TMEM171: variants seen among roughly 807,000 people sequenced by gnomAD.
The protein encoded by TMEM171 is proline-rich protein PRP2.
In TMEM171, 16 loss-of-function variants were observed where a neutral mutation model predicts 19.1. The observed-to-expected ratio is 0.84, with a 90% CI of 0.57 to 1.27. The LOEUF (loss-of-function observed/expected upper bound fraction) is 1.27. Among genes scored for constraint, TMEM171 ranks in the 50% most tolerant of loss-of-function variants. The probability of loss-of-function intolerance (pLI) is 0.00; values close to 1 mark genes in which losing one functional copy is unlikely to be tolerated. For synonymous variants in TMEM171, 153 were observed against 163.4 expected (o/e 0.94, Z 0.48); for missense variants, 429 against 412.7 (o/e 1.04, Z -0.34).
Position 73,131,767 on chromosome 5 carries a change from C to A in TMEM171, c.*37C>A. On this transcript the variant is annotated 3_prime_UTR_variant, in exon 4 of 4. Coordinates refer to ENST00000454765, the MANE Select transcript of TMEM171 (RefSeq NM_173490.8). ...TAGTTCAGTTTTATATGCAATGGATCACTATTTTATTTAATTTTTTTTAAA... is the reference window on the plus strand; with the variant it reads ...TAGTTCAGTTTTATATGCAATGGATAACTATTTTATTTAATTTTTTTTAAA... 1 of 1,479,592 alleles carries A rather than the reference C, an allele frequency of 6.8e-7. No individual in the cohort carries two copies. The highest frequency in any genetic ancestry group is 9.0e-7 in the Non-Finnish European group (1 of 1,107,322). The allele number at this position is 1,479,592 out of a possible 1,614,324, so 91.7% of individuals were successfully genotyped here. A position where few individuals can be genotyped will look rare whatever the true frequency, so the allele number is the denominator to read the frequency against.
Position 73,123,764 on chromosome 5 carries a change from A to AT in TMEM171, c.394dup (p.Trp132LeufsTer53). The stretch of plus-strand genomic sequence containing the variant: ...CGGCATGCTCATCAGCGTCCTGGGC[A>AT]TTTGGGTCCCTGGATGTGGCTCCAA... On this transcript the variant is annotated frameshift_variant, in exon 2 of 4. Coordinates refer to ENST00000454765, the MANE Select transcript of TMEM171 (RefSeq NM_173490.8). LOFTEE classifies it high-confidence loss of function. 1 of 1,613,754 alleles carries AT rather than the reference A, an allele frequency of 6.2e-7. No homozygotes were observed. Among genetic ancestry groups the AT allele is most frequent in the African/African-American group, 1.3e-5 (1 of 75,038 alleles).
chr5:73,129,908 C>T (rs1361309702), intron 3 of TMEM171, among the ~76,000 whole-genome samples: 2 of 152,360 alleles, frequency 1.3e-5, no homozygotes, highest in Admixed American at 1.3e-4. Context: ...GGTCAATACC[C>T]ACCCCACACA....
intron 2 of TMEM171, among the ~76,000 whole-genome samples, chr5:73,127,957 C>G (rs1275877512): frequency 6.6e-6 from 1 of 151,912 alleles, no homozygotes; most frequent in East Asian, 1.9e-4. Flanking sequence ...GTTGCCCAGG[C>G]TGGTCTCCAA....
rs150651292 is a variant in TMEM171, at chr5:73,127,369, TAAA to T, written c.641-1007_641-1005del. Among the ~76,000 whole-genome samples, 77 of 97,200 alleles carry T rather than the reference TAAA, an allele frequency of 7.9e-4. 3 individuals are homozygous for T. The highest frequency in any genetic ancestry group is 3.0e-3 in the African/African-American group (58 of 19,242). 63.8% of individuals were successfully genotyped at this position (97,200 alleles called of 152,430 possible). ...AGGCCTACTTTTAAAAAATTTGTGGTAAAAAAAAAAAAAAAATATATATATATA... is the reference window on the plus strand; with the variant it reads ...AGGCCTACTTTTAAAAAATTTGTGGTAAAAAAAAAAAAATATATATATATA... On this transcript the variant is annotated intron_variant, in intron 2 of 3. Transcript: ENST00000454765.
At position 73,130,818 on chromosome 5, in the gene TMEM171, A is replaced by AT. The variant is rs143270088; in HGVS notation, c.783-712dup. Among the ~76,000 whole-genome samples the AT allele has an allele frequency of 7.1e-3, 1,084 of 151,868 alleles. 15 individuals are homozygous for AT. Among genetic ancestry groups the AT allele is most frequent in the African/African-American group, 0.025 (1,036 of 41,380 alleles). On this transcript the variant is annotated intron_variant, in intron 3 of 3. Coordinates refer to ENST00000454765, the MANE Select transcript of TMEM171 (RefSeq NM_173490.8). ...TAGAATTCTCATCGTGAATGTTTGT[A>AT]TTTTTTTTCTTCTAATGATAAACTT... is the stretch of plus-strand genomic sequence containing the variant.
rs756633960 is a variant in TMEM171 at position 73,131,752 on chromosome 5, T to G, written c.*22T>G. 1.9e-6 allele frequency: 3 copies of G among 1,546,604 alleles called. No individual in the cohort carries two copies. The highest frequency in any genetic ancestry group is 1.4e-5 in the African/African-American group (1 of 72,038). On this transcript the variant is annotated 3_prime_UTR_variant, in exon 4 of 4. Transcript: ENST00000454765. ...GTAAACTATGGACTCTAGTTCAGTTTTATATGCAATGGATCACTATTTTAT... is the reference window on the plus strand; with the variant it reads ...GTAAACTATGGACTCTAGTTCAGTTGTATATGCAATGGATCACTATTTTAT...
Position 73,123,508 on chromosome 5 carries a change from G to T in TMEM171, c.135G>T (p.Gln45His). The change falls in exon 2 of 4, where the codon CAG becomes CAT. Residue 45 changes from glutamine to histidine, a missense_variant. Transcript: ENST00000454765. ...TCCTGCTCTCCATCTTTGGGTTCCA[G>T]GCATGCCAATATAAGCCCCTCCCAG... is the stretch of plus-strand genomic sequence containing the variant. ...VGVLLSIFGF[Q>H]ACQYKPLPDC... is the part of the protein sequence containing the mutation. The T allele has an allele frequency of 6.2e-7, 1 of 1,614,210 alleles. No individual in the cohort carries two copies. Among genetic ancestry groups the T allele is most frequent in the Non-Finnish European group, 8.5e-7 (1 of 1,180,034 alleles).
At chr5:73,127,384 A>AAAAAAAAATATATATATATAT in intron 2 of TMEM171, among the ~76,000 whole-genome samples, 4 of 81,694 alleles carry the variant, frequency 4.9e-5, no homozygotes, top group African/African-American at 2.6e-4. Flanking sequence ...AAAAAAAAAA[A>AAAAAAAAATATATATATATAT]ATATATATAT....
intron 2 of TMEM171, among the ~76,000 whole-genome samples, chr5:73,127,562 G>T (rs1220508071): frequency 6.6e-6 from 1 of 150,396 alleles, no homozygotes; most frequent in African/African-American, 2.5e-5. Context: ...TCAGCCTCCC[G>T]AATAGCTGGG....
intron 3 of TMEM171, among the ~76,000 whole-genome samples, chr5:73,129,884 C>T (rs542125998): frequency 2.0e-5 from 3 of 152,306 alleles, no homozygotes; most frequent in South Asian, 2.1e-4. Context: ...TTCCCTGGGC[C>T]GCAGAGAATA....
At chr5:73,127,897 C>T (rs1744221514) in intron 2 of TMEM171, among the ~76,000 whole-genome samples, 3 of 151,872 alleles carry the variant, frequency 2.0e-5, no homozygotes, top group South Asian at 4.2e-4. Flanking sequence ...TGTACTCCCA[C>T]ATCTGGCTAA....
intron 1 of TMEM171, among the ~76,000 whole-genome samples, chr5:73,121,830 T>A (rs374657539): frequency 1.3e-5 from 2 of 152,222 alleles, no homozygotes; most frequent in African/African-American, 4.8e-5. Context: ...TTGAGTTCCT[T>A]CATGGGACCA....
In TMEM171 at chr5:73,127,369, T is replaced by TAA. The variant is rs150651292; in HGVS notation, c.641-1006_641-1005dup. ...AGGCCTACTTTTAAAAAATTTGTGG[T>TAA]AAAAAAAAAAAAAAAATATATATAT... On this transcript the variant is annotated intron_variant, in intron 2 of 3. Transcript: ENST00000454765. Among the ~76,000 whole-genome samples, 772 of 97,068 alleles carry TAA rather than the reference T, an allele frequency of 8.0e-3. 24 individuals are homozygous for TAA. Among genetic ancestry groups the TAA allele is most frequent in the Non-Finnish European group, 0.01 (538 of 52,792 alleles). 63.7% of individuals were successfully genotyped at this position (97,068 alleles called of 152,430 possible).
intron 2 of TMEM171, 60 bp from the exon 3 acceptor site, chr5:73,128,330 T>C: frequency 6.3e-7 from 1 of 1,582,230 alleles, no homozygotes; most frequent in Non-Finnish European, 8.6e-7. Flanking sequence ...AATTTTGCTT[T>C]TGCTAATTTG....
chr5:73,120,765 T>TGGGCGCGGGG (rs1743986341), intron 1 of TMEM171, 69 bp downstream of exon 1: 1 of 982,762 alleles, frequency 1.0e-6, no homozygotes, highest in Non-Finnish European at 1.2e-6. Context: ...GCGGCCAGGC[T>TGGGCGCGGGG]GGGCGCGGGG....
In TMEM171 at chr5:73,131,660, C is replaced by T; in HGVS notation, c.905C>T (p.Pro302Leu). ...CCACATCTTCCATCTGAATTGCCTC[C>T]TAGATATGAAGAAAAAGAAAATGCT... The part of the protein sequence containing the change: ...HTPHLPSELP[P>L]RYEEKENAAA... The change falls in exon 4 of 4, where the codon CCT (proline) becomes CTT (leucine). Residue 302 changes from proline to leucine, a missense_variant. Pro to Leu is a moderately conservative substitution (Grantham distance 98). Transcript: ENST00000454765. 6.2e-7 allele frequency: 1 copy of T among 1,613,882 alleles called. No homozygotes were observed. The highest frequency in any genetic ancestry group is 8.5e-7 in the Non-Finnish European group (1 of 1,179,920).
At chr5:73,131,314 A>G (rs1255651614) in intron 3 of TMEM171, among the ~76,000 whole-genome samples, 2 of 152,156 alleles carry the variant, frequency 1.3e-5, no homozygotes, top group Non-Finnish European at 2.9e-5. Context: ...AAAGGGAATG[A>G]CAGCAGGAGT....
In TMEM171 at chr5:73,123,676, C is replaced by A. The variant is rs755507400; in HGVS notation, c.303C>A (p.Phe101Leu). The A allele has an allele frequency of 9.3e-6, 15 of 1,614,240 alleles. No homozygotes were observed. The highest frequency in any genetic ancestry group is 1.2e-5 in the Non-Finnish European group (14 of 1,180,040). Residue 101 changes from phenylalanine to leucine, a missense_variant, in exon 2 of 4, where the codon TTC (phenylalanine) becomes TTA (leucine). By Grantham distance (22) the Phe-to-Leu change is conservative (BLOSUM62 0). Coordinates refer to ENST00000454765, the MANE Select transcript of TMEM171 (RefSeq NM_173490.8). The part of the protein sequence containing the change: ...RGQQMDPDRA[F>L]ICGESRQFAQ... ...AGCAGATGGACCCCGACCGAGCCTT[C>A]ATCTGTGGAGAGAGCCGCCAGTTTG...
chr5:73,120,800 G>C (rs1743987501), intron 1 of TMEM171, 104 bp downstream of exon 1: 2 of 954,980 alleles, frequency 2.1e-6, no homozygotes, highest in Non-Finnish European at 2.5e-6. Context: ...GGAGGCGCTG[G>C]GTATCCGAGC....
Sources: gnomAD v4.1 joint callset for allele counts (sites outside exome capture counted in the v4.1 genomes callset) on GRCh38, gnomAD v4.1.1 for gene constraint, MANE v1.5 for transcripts, NCBI Gene and HGNC (gene_info 2026-07-23, HGNC 2026-07-21) for gene names.